MPPE1: variants seen among roughly 807,000 people sequenced by gnomAD.
The protein encoded by MPPE1 is metallophosphoesterase 1.
Under a neutral mutation model 43.8 loss-of-function variants are expected in MPPE1, and 28 were observed. The observed-to-expected ratio is 0.64, with a 90% CI of 0.47 to 0.88. The LOEUF is 0.88. Among genes scored for constraint, MPPE1 ranks in the 40% least tolerant of loss-of-function variants. The pLI is 0.00. For synonymous variants in MPPE1, 159 were observed against 188.5 expected, an observed-to-expected ratio of 0.84 and a Z score of 1.28; for missense variants, 428 against 492.2, an observed-to-expected ratio of 0.87 and a Z score of 1.23.
At chr18:11,887,314 T>C (rs1383329287) in intron 6 of MPPE1, among the ~76,000 whole-genome samples, 1 of 151,968 alleles carries the variant, frequency 6.6e-6, no homozygotes, top group Non-Finnish European at 1.5e-5. Flanking sequence ...AAGCTCATCC[T>C]CCAACCAGAA....
At position 11,891,946 on chromosome 18, in the gene MPPE1, C is replaced by T. The variant is rs190781701; in HGVS notation, c.390+1522G>A. Among the ~76,000 whole-genome samples the T allele has an allele frequency of 4.8e-3, 730 of 151,822 alleles. 7 individuals carry two copies. The highest frequency in any genetic ancestry group is 0.017 in the African/African-American group (700 of 41,214). ...CCTCCCACTTCAGCCTCCTGAGTAG[C>T]GGCGTGCACCATCACGCCTGGCTGA... On this transcript the variant is annotated intron_variant, in intron 4 of 10. Coordinates refer to ENST00000588072, the MANE Select transcript of MPPE1 (RefSeq NM_023075.6).
rs779391817 is a variant in MPPE1 at position 11,884,432 on chromosome 18, T to C, written c.*13A>G. ...ATTTCTTGGGCTTTGATATTTATAA[T>C]GGCGCCTGCTCTTCATCTTGTCTTA... On this transcript the variant is annotated 3_prime_UTR_variant, in exon 11 of 11. Transcript: ENST00000588072. 2 of 1,609,748 alleles carry C rather than the reference T, an allele frequency of 1.2e-6. No individual in the cohort carries two copies. The highest frequency in any genetic ancestry group is 1.7e-6 in the Non-Finnish European group (2 of 1,177,074).
intron 2 of MPPE1, among the ~76,000 whole-genome samples, chr18:11,899,392 C>A (rs2038914861): frequency 6.6e-6 from 1 of 152,196 alleles, no homozygotes; most frequent in Non-Finnish European, 1.5e-5. Context: ...TGCAAATGTG[C>A]CTTAAAACTC....
chr18:11,885,697 T>G lies in MPPE1; in HGVS notation c.987A>C (p.Arg329Ser). 6.2e-7 allele frequency: 1 copy of G among 1,613,646 alleles called. No individual in the cohort carries two copies. Among genetic ancestry groups the G allele is most frequent in the Non-Finnish European group, 8.5e-7 (1 of 1,179,616 alleles). Residue 329 changes from arginine to serine, a missense_variant, in exon 10 of 11, where the codon AGA (arginine) becomes AGC (serine). By Grantham distance (110) the Arg-to-Ser change is moderately radical (BLOSUM62 -1). Transcript: ENST00000588072. Reference sequence around the variant, plus strand: ...TTACCATGATGAAACTGGGGTTGTTTCTGTTCCTCCAACTGAAAGATGGGA... The same window carrying G: ...TTACCATGATGAAACTGGGGTTGTTGCTGTTCCTCCAACTGAAAGATGGGA... ...LSVPSFSWRN[R>S]NNPSFIMGSI... is the part of the protein sequence containing the mutation.
intron 2 of MPPE1, among the ~76,000 whole-genome samples, chr18:11,904,409 G>T (rs1007121316): frequency 2.6e-5 from 4 of 151,914 alleles, no homozygotes; most frequent in African/African-American, 9.7e-5. Context: ...CCGCCTCCTG[G>T]ACTCAAGCTA....
chr18:11,892,783 A>C (rs918058484), intron 4 of MPPE1, among the ~76,000 whole-genome samples: 19 of 152,182 alleles, frequency 1.2e-4, no homozygotes, highest in Non-Finnish European at 7.3e-5. Flanking sequence ...AAAAACCATT[A>C]GTGACTGAAC....
intron 4 of MPPE1, 193 bp downstream of exon 4, chr18:11,893,274 TG>T: frequency 1.9e-6 from 1 of 535,466 alleles, no homozygotes; most frequent in Non-Finnish European, 3.3e-6. Flanking sequence ...AACTCAAGAT[TG>T]AGTTGTTCTA....
At chr18:11,904,571 G>A (rs567263042) in intron 2 of MPPE1, among the ~76,000 whole-genome samples, 5 of 152,144 alleles carry the variant, frequency 3.3e-5, no homozygotes, top group East Asian at 1.9e-4. Flanking sequence ...CACTGGCCTC[G>A]GCCTCCCAAA....
chr18:11,899,051 G>A (rs1169424844), intron 2 of MPPE1, among the ~76,000 whole-genome samples: 1 of 151,668 alleles, frequency 6.6e-6, no homozygotes, highest in Non-Finnish European at 1.5e-5. Flanking sequence ...GGGATTACAG[G>A]TGTGTGCCAC....
chr18:11,886,480 T>A lies in MPPE1; in HGVS notation c.867+19A>T. 1 of 1,614,150 alleles carries A rather than the reference T, an allele frequency of 6.2e-7. No homozygotes were observed. The highest frequency in any genetic ancestry group is 8.5e-7 in the Non-Finnish European group (1 of 1,180,036). On this transcript the variant is annotated intron_variant, in intron 9 of 10. Transcript: ENST00000588072. The surrounding 1 kb of genome is among the most constrained non-coding windows in gnomAD (Gnocchi z 4.1). ...AGTCACACTGTGACATGAATTAGCA[T>A]CACGACACCCTGGCAAACCTTTTGT...
chr18:11,900,647 C>T (rs1263973879), intron 2 of MPPE1, among the ~76,000 whole-genome samples: 2 of 152,076 alleles, frequency 1.3e-5, no homozygotes, highest in East Asian at 1.9e-4. Context: ...GTGGCTCACA[C>T]CTGTAATCCC....
intron 9 of MPPE1, 148 bp from the exon 10 acceptor site, chr18:11,885,964 T>G (rs1050398083): frequency 1.4e-5 from 11 of 795,052 alleles, no homozygotes; most frequent in East Asian, 6.1e-5. Context: ...ATTTTTTTCC[T>G]TAAAAATCCT....
Position 11,884,360 on chromosome 18 carries a change from G to T in MPPE1, c.*85C>A. 7.7e-7 allele frequency: 1 copy of T among 1,291,462 alleles called. No individual in the cohort carries two copies. The highest frequency in any genetic ancestry group is 1.1e-6 in the Non-Finnish European group (1 of 912,858). The allele number at this position is 1,291,462 out of a possible 1,614,324, so 80.0% of individuals were successfully genotyped here. A position where few individuals can be genotyped will look rare whatever the true frequency, so the allele number is the denominator to read the frequency against. ...CTGTGCAGAGAGACGGCCTGTAATT[G>T]GTCTCATCATCCACTTGATTCTAAC... On this transcript the variant is annotated 3_prime_UTR_variant, in exon 11 of 11. Transcript: ENST00000588072.
In MPPE1 at chr18:11,884,581, G is replaced by A. The variant is rs770863415; in HGVS notation, c.1055C>T (p.Pro352Leu). ...TDYTLSKCYL[P>L]REDVVLIIYC... is the part of the protein sequence containing the mutation. ...GATGATCAAAACCACATCCTCACGTGGGAGGTAGCACTTGGAGAGGGTGTA... is the reference window on the plus strand; with the variant it reads ...GATGATCAAAACCACATCCTCACGTAGGAGGTAGCACTTGGAGAGGGTGTA... Residue 352 changes from proline to leucine, a missense_variant, in exon 11 of 11, where the codon CCA (proline) becomes CTA (leucine). Pro to Leu is a moderately conservative substitution (Grantham distance 98, BLOSUM62 -3). Around this residue, in one of 3 missense-constraint regions of MPPE1, gnomAD observed 379 missense variants for 402.5 expected, o/e 0.94. Transcript: ENST00000588072. 1.5e-5 allele frequency: 25 copies of A among 1,613,816 alleles called. No homozygotes were observed. The highest frequency in any genetic ancestry group is 2.7e-5 in the African/African-American group (2 of 74,940).
intron 10 of MPPE1, 30 bp downstream of exon 10, chr18:11,885,646 C>A: frequency 6.3e-7 from 1 of 1,596,092 alleles, no homozygotes. Context: ...CTTATGAAAG[C>A]TTTCAGACAA....
rs776408675 is a variant in MPPE1, at chr18:11,886,681, T to C, written c.744+32A>G. On this transcript the variant is annotated intron_variant, in intron 8 of 10. Transcript: ENST00000588072. This position sits in a 1 kb window ranked among gnomAD's most constrained non-coding sequence, Gnocchi z 4.1. ...TCGTGAAACCACAGGCTGCCTGCTG[T>C]CTGCCATGAGCCCTTTCCTCCCCCA... 6.2e-7 allele frequency: 1 copy of C among 1,613,932 alleles called. No homozygotes were observed. Among genetic ancestry groups the C allele is most frequent in the Non-Finnish European group, 8.5e-7 (1 of 1,180,018 alleles).
At chr18:11,894,407 G>A (rs1567951778) in intron 3 of MPPE1, among the ~76,000 whole-genome samples, 1 of 143,806 alleles carries the variant, frequency 7.0e-6, no homozygotes, top group Non-Finnish European at 1.5e-5. Flanking sequence ...ACTCCAGCCT[G>A]GGTGACAGAG....
intron 3 of MPPE1, among the ~76,000 whole-genome samples, chr18:11,895,651 C>T (rs545910576): frequency 9.2e-5 from 14 of 151,998 alleles, no homozygotes; most frequent in East Asian, 1.9e-4. Context: ...GTAGCTCAAG[C>T]GATCCTCCTG....
In MPPE1 at chr18:11,884,377, G is replaced by A; in HGVS notation, c.*68C>T. 3 of 1,499,254 alleles carry A rather than the reference G, an allele frequency of 2.0e-6. No individual in the cohort carries two copies. Among genetic ancestry groups the A allele is most frequent in the Non-Finnish European group, 2.8e-6 (3 of 1,090,246 alleles). The allele number at this position is 1,499,254 out of a possible 1,614,324, so 92.9% of individuals were successfully genotyped here. On this transcript the variant is annotated 3_prime_UTR_variant, in exon 11 of 11. Coordinates refer to ENST00000588072, the MANE Select transcript of MPPE1 (RefSeq NM_023075.6). The stretch of plus-strand genomic sequence containing the variant: ...CTGTAATTGGTCTCATCATCCACTT[G>A]ATTCTAACATGATCTCTGCCCAAAG...
Sources: gnomAD v4.1 joint callset for allele counts (sites outside exome capture counted in the v4.1 genomes callset) on GRCh38, gnomAD v4.1.1 for gene constraint, gnomAD v4.1.1 regional missense constraint, Gnocchi (gnomAD v3.1) non-coding constraint, MANE v1.5 for transcripts, NCBI Gene and HGNC (gene_info 2026-07-23, HGNC 2026-07-21) for gene names.